TMEM44: variants seen among roughly 807,000 people sequenced by gnomAD.
TMEM44 encodes the protein transmembrane protein 44.
TMEM44 carries 43 observed loss-of-function variants against 47.8 expected under a neutral mutation model. The observed-to-expected ratio is 0.90, with a 90% CI of 0.70 to 1.16. The LOEUF (loss-of-function observed/expected upper bound fraction) is 1.16, where lower values mean the gene tolerates loss of function less well. TMEM44 is among the 50% of genes most tolerant of loss of function. TMEM44 has a pLI of 0.00. For synonymous variants in TMEM44, 277 were observed against 238.8 expected, an observed-to-expected ratio of 1.16 and a Z score of -1.48; for missense variants, 568 against 555.2, an observed-to-expected ratio of 1.02 and a Z score of -0.23.
At chr3:194,591,408 C>T (rs565626848) in intron 9 of TMEM44, among the ~76,000 whole-genome samples, 146 of 152,206 alleles carry the variant, frequency 9.6e-4, no homozygotes, top group African/African-American at 3.2e-3. Context: ...GCAGGAGAAT[C>T]GTTTGAACCC....
intron 7 of TMEM44, among the ~76,000 whole-genome samples, chr3:194,612,874 G>C (rs1715474418): frequency 6.6e-6 from 1 of 150,798 alleles, no homozygotes; most frequent in Non-Finnish European, 1.5e-5. Context: ...CTGTGGTCTC[G>C]ATCTCCTGAC....
chr3:194,602,339 C>G (rs999198831), intron 9 of TMEM44, among the ~76,000 whole-genome samples: 1 of 152,180 alleles, frequency 6.6e-6, no homozygotes, highest in Admixed American at 6.5e-5. Flanking sequence ...AGGTGGCTCA[C>G]GCCTGTAATC....
Position 194,604,397 on chromosome 3 carries a change from C to G in TMEM44, c.1066G>C (p.Gly356Arg). The part of the protein sequence containing the change: ...RLPGDGQTSA[G>R]DASLQDPPSY... ...GGGGGGTCCTGCAGGGACGCATCTC[C>G]GGCGCTCGTCTGCCCGTCACCTGGC... The change falls in exon 9 of 10, where the codon GGA (glycine) becomes CGA (arginine). Residue 356 changes from glycine to arginine, a missense_variant. Gly to Arg is a moderately radical substitution (Grantham distance 125). Coordinates refer to ENST00000347147, the MANE Select transcript of TMEM44 (RefSeq NM_001011655.3). 4 of 1,541,484 alleles carry G rather than the reference C, an allele frequency of 2.6e-6. No individual in the cohort carries two copies. Among genetic ancestry groups the G allele is most frequent in the Non-Finnish European group, 3.5e-6 (4 of 1,139,908 alleles).
At chr3:194,592,498 T>TGAAGACG (rs1712883294) in intron 9 of TMEM44, among the ~76,000 whole-genome samples, 1 of 152,180 alleles carries the variant, frequency 6.6e-6, no homozygotes, top group South Asian at 2.1e-4. Flanking sequence ...CTTCACTGGG[T>TGAAGACG]TACACGTCTT....
Position 194,633,251 on chromosome 3 carries a change from T to G in TMEM44, c.-36A>C. ...GGCGCGCGGCGCGGGGCCGGGGACC[T>G]GGGCGCAGCCTCCCTCGCCGCGGGC... On this transcript the variant is annotated 5_prime_UTR_variant, in exon 1 of 10. Coordinates refer to ENST00000347147, the MANE Select transcript of TMEM44 (RefSeq NM_001011655.3). The G allele has an allele frequency of 8.6e-7, 1 of 1,159,810 alleles. No individual in the cohort carries two copies. Among genetic ancestry groups the G allele is most frequent in the Non-Finnish European group, 1.1e-6 (1 of 929,306 alleles). The allele number at this position is 1,159,810 out of a possible 1,614,324, so 71.8% of individuals were successfully genotyped here.
intron 9 of TMEM44, among the ~76,000 whole-genome samples, chr3:194,602,761 C>T (rs1384644161): frequency 6.6e-6 from 1 of 152,132 alleles, no homozygotes; most frequent in Admixed American, 6.6e-5. Flanking sequence ...TGAGGCCGGG[C>T]AGGCTGTGAA....
chr3:194,623,282 A>G lies in TMEM44; in HGVS notation c.554T>C (p.Leu185Pro), dbSNP rs1415629596. 1 of 1,611,444 alleles carries G rather than the reference A, an allele frequency of 6.2e-7. No homozygotes were observed. The change falls in exon 5 of 10, where the codon CTG (leucine) becomes CCG (proline). Residue 185 changes from leucine (L) to proline (P), a missense_variant. Transcript: ENST00000347147. ...GGAGCCAAAGGCAGCAACGCTACCC[A>G]GCAGGTAGCCGAGGATCTCAGTATT... Reference protein sequence around the residue: ...QENTEILGYLLGSVAAFGSWA... With the variant: ...QENTEILGYLPGSVAAFGSWA...
At chr3:194,622,249 C>T (rs1716623286) in intron 5 of TMEM44, among the ~76,000 whole-genome samples, 1 of 152,240 alleles carries the variant, frequency 6.6e-6, no homozygotes, top group Non-Finnish European at 1.5e-5. Flanking sequence ...AATTCACGCT[C>T]CCTTCTGAGG....
At chr3:194,632,826 G>T in intron 1 of TMEM44, 1 of 507,364 alleles carries the variant, frequency 2.0e-6, no homozygotes, top group Admixed American at 3.8e-5. Flanking sequence ...CCCAGGGCTC[G>T]CGGTGTCCTC....
At chr3:194,630,444 C>T (rs546627795) in intron 1 of TMEM44, among the ~76,000 whole-genome samples, 1 of 66,916 alleles carries the variant, frequency 1.5e-5, no homozygotes, top group Non-Finnish European at 2.8e-5. Flanking sequence ...TACTGCCTCC[C>T]GAAGGGGCTG....
At chr3:194,617,906 C>A (rs1038554199) in intron 5 of TMEM44, 2 of 598,216 alleles carry the variant, frequency 3.3e-6, no homozygotes, top group Non-Finnish European at 6.0e-6. Context: ...GTGTGTGGCA[C>A]CTTCCCTTCC....
chr3:194,625,434 G>GC (rs1717041496), intron 3 of TMEM44, among the ~76,000 whole-genome samples: 1 of 115,104 alleles, frequency 8.7e-6, no homozygotes, highest in East Asian at 2.6e-4. Flanking sequence ...CTTTTTTGGG[G>GC]GGGGGGGGTT....
chr3:194,622,953 G>A, intron 5 of TMEM44: 1 of 362,896 alleles, frequency 2.8e-6, no homozygotes, highest in Non-Finnish European at 5.0e-6. Flanking sequence ...CTCAGAGCCT[G>A]CTTTTCATTT....
intron 9 of TMEM44, 61 bp downstream of exon 9, chr3:194,604,226 C>A: frequency 6.5e-7 from 1 of 1,545,904 alleles, no homozygotes; most frequent in South Asian, 1.2e-5. Context: ...CAAGGAGCAC[C>A]CAGCAAGTGT....
At position 194,623,200 on chromosome 3, in the gene TMEM44, TCCCATCCCCACCCCCGGCCTCACAA is replaced by T. The variant is rs1716754558; in HGVS notation, c.611_612+23del. ...CCTGAGACTGTCATGTGACCCACAG[TCCCATCCCCACCCCCGGCCTCACAA>T]TTCTGGAGAGAGGGGGGATCCGAGA... On this transcript the variant is annotated splice_donor_variant and splice_donor_5th_base_variant and coding_sequence_variant and intron_variant, in exon 5 of 10. Coordinates refer to ENST00000347147, the MANE Select transcript of TMEM44 (RefSeq NM_001011655.3). LOFTEE classifies it high-confidence loss of function. 2 of 1,587,630 alleles carry T rather than the reference TCCCATCCCCACCCCCGGCCTCACAA, an allele frequency of 1.3e-6. No homozygotes were observed. Among genetic ancestry groups the T allele is most frequent in the South Asian group, 2.3e-5 (2 of 87,498 alleles).
Position 194,604,145 on chromosome 3 carries a change from C to T in TMEM44, c.1176+142G>A, listed in dbSNP as rs559015326. 1.6e-4 allele frequency: 178 copies of T among 1,101,758 alleles called. No individual in the cohort carries two copies. In the East Asian group the frequency reaches 4.3e-3, roughly 26 times the overall value. The allele number at this position is 1,101,758 out of a possible 1,614,324, so 68.2% of individuals were successfully genotyped here. A position where few individuals can be genotyped will look rare whatever the true frequency, so the allele number is the denominator to read the frequency against. ...CTGCAATTACAGGTGTGAGCCACCG[C>T]GCCTGGCCTCATTCATTATTTAGCA... On this transcript the variant is annotated intron_variant, in intron 9 of 9. Coordinates refer to ENST00000347147, the MANE Select transcript of TMEM44 (RefSeq NM_001011655.3).
In TMEM44 at chr3:194,604,452, G is replaced by A. The variant is rs1714549779; in HGVS notation, c.1018-7C>T. The A allele has an allele frequency of 6.7e-7, 1 of 1,498,424 alleles. No homozygotes were observed. The highest frequency in any genetic ancestry group is 1.3e-5 in the South Asian group (1 of 77,170). The allele number at this position is 1,498,424 out of a possible 1,614,324, so 92.8% of individuals were successfully genotyped here. ...TGGTGGCACTGCAGCCTGCCTGCAA[G>A]GTGTGTGAGAAAGGGCAGGCAAGGA... On this transcript the variant is annotated splice_polypyrimidine_tract_variant and splice_region_variant and intron_variant, in intron 8 of 9. Coordinates refer to ENST00000347147, the MANE Select transcript of TMEM44 (RefSeq NM_001011655.3).
At chr3:194,623,058 C>A (rs957892601) in intron 5 of TMEM44, 166 bp downstream of exon 5, 2 of 628,872 alleles carry the variant, frequency 3.2e-6, no homozygotes, top group South Asian at 2.5e-5. Context: ...TCCACACACA[C>A]CCCCTCCTTG....
intron 8 of TMEM44, among the ~76,000 whole-genome samples, chr3:194,606,444 T>G (rs1369227045): frequency 6.6e-6 from 1 of 152,156 alleles, no homozygotes; most frequent in Non-Finnish European, 1.5e-5. Context: ...ATTACAACAG[T>G]GTTTAAAACT....
Sources: allele counts gnomAD v4.1 joint callset (sites outside exome capture counted in the v4.1 genomes callset), GRCh38; gene constraint gnomAD v4.1.1; transcripts MANE v1.5; gene names NCBI Gene and HGNC (gene_info 2026-07-23, HGNC 2026-07-21).